TMEM131: variants seen among roughly 807,000 people sequenced by gnomAD.
TMEM131 encodes transmembrane protein 131.
In TMEM131, 66 loss-of-function variants were observed where a neutral mutation model predicts 211.6. The ratio of observed to expected loss-of-function variants is 0.31; its 90% CI spans 0.26 to 0.38. The LOEUF is 0.38. Ranked by LOEUF, TMEM131 falls within the 10% of genes least tolerant of loss-of-function variation. TMEM131 has a pLI of 1.00. For synonymous variants in TMEM131, 844 were observed against 841.3 expected (o/e 1.00, Z -0.06); for missense variants, 2,036 against 2,299.3 (o/e 0.89, Z 2.34).
chr2:97,932,544 C>T (rs62156488), intron 1 of TMEM131, among the ~76,000 whole-genome samples: 10,888 of 152,184 alleles, frequency 0.072, 462 homozygotes, highest in Middle Eastern at 0.12. Flanking sequence ...ATATACCATA[C>T]ATCTAAAAAG....
chr2:97,764,146 CAG>C (rs771948686), intron 35 of TMEM131: 2 of 152,268 alleles, frequency 1.3e-5, no homozygotes, highest in Admixed American at 1.3e-4. Flanking sequence ...GATCTTTACA[CAG>C]AGGCTGCACA....
chr2:97,791,279 C>T (rs574925138), intron 31 of TMEM131, among the ~76,000 whole-genome samples: 12 of 152,198 alleles, frequency 7.9e-5, no homozygotes, highest in Non-Finnish European at 1.5e-4. Flanking sequence ...TATGCCCTTG[C>T]GCGGTTCTCT....
At chr2:97,870,537 T>C (rs1318244446) in intron 4 of TMEM131, among the ~76,000 whole-genome samples, 3 of 152,052 alleles carry the variant, frequency 2.0e-5, no homozygotes, top group African/African-American at 7.2e-5. Context: ...CTACGAACTG[T>C]CCATATTTTC....
Position 97,757,283 on chromosome 2 carries a change from G to C in TMEM131, c.5468C>G (p.Ala1823Gly), listed in dbSNP as rs765975456. Residue 1823 changes from alanine to glycine, a missense_variant, in exon 41 of 41, where the codon GCA becomes GGA. Ala to Gly is a moderately conservative substitution (Grantham distance 60). Transcript: ENST00000186436. ...LSSALPFTTP[A>G]NTLASIGLMG... ...GAGGCCGATGCTTGCCAGCGTGTTT[G>C]CTGGAGTGGTGAAGGGAAGGGCGCT... 1 of 1,613,976 alleles carries C rather than the reference G, an allele frequency of 6.2e-7. No individual in the cohort carries two copies. Among genetic ancestry groups the C allele is most frequent in the Non-Finnish European group, 8.5e-7 (1 of 1,179,894 alleles).
chr2:97,843,147 T>C (rs1271914069), intron 6 of TMEM131, among the ~76,000 whole-genome samples: 1 of 151,182 alleles, frequency 6.6e-6, no homozygotes, highest in Non-Finnish European at 1.5e-5. Flanking sequence ...CACAGCACAG[T>C]GGTAAAGATT....
intron 3 of TMEM131, among the ~76,000 whole-genome samples, chr2:97,898,947 T>C (rs774736316): frequency 6.6e-6 from 1 of 152,154 alleles, no homozygotes; most frequent in South Asian, 2.1e-4. Flanking sequence ...TAAATACCTA[T>C]TAGGTCAAGT....
intron 4 of TMEM131, among the ~76,000 whole-genome samples, chr2:97,871,556 C>T (rs924245341): frequency 6.6e-6 from 1 of 152,194 alleles, no homozygotes; most frequent in Non-Finnish European, 1.5e-5. Flanking sequence ...TTGAGAGATC[C>T]TTTCAGATGT....
At chr2:97,876,855 A>G (rs1167234871) in intron 4 of TMEM131, among the ~76,000 whole-genome samples, 1 of 152,232 alleles carries the variant, frequency 6.6e-6, no homozygotes, top group Non-Finnish European at 1.5e-5. Context: ...TGGCCAGGGC[A>G]ATCAGGCAAG....
intron 2 of TMEM131, among the ~76,000 whole-genome samples, chr2:97,918,975 T>C (rs552553694): frequency 2.4e-4 from 37 of 152,344 alleles, no homozygotes; most frequent in Non-Finnish European, 4.7e-4. Context: ...GGGAAAGTGA[T>C]GCTGGCTGTC....
chr2:97,991,009 T>C (rs1375256226), intron 1 of TMEM131, among the ~76,000 whole-genome samples: 1 of 152,196 alleles, frequency 6.6e-6, no homozygotes, highest in Non-Finnish European at 1.5e-5. Flanking sequence ...TGAAACACTC[T>C]TGAAAATTTA....
At chr2:97,948,068 A>C (rs1678126086) in intron 1 of TMEM131, among the ~76,000 whole-genome samples, 1 of 152,240 alleles carries the variant, frequency 6.6e-6, no homozygotes, top group South Asian at 2.1e-4. Context: ...TAAGAGCTAA[A>C]ATTCTAAAGT....
intron 1 of TMEM131, among the ~76,000 whole-genome samples, chr2:97,973,930 A>G (rs1235960541): frequency 6.6e-6 from 1 of 152,244 alleles, no homozygotes; most frequent in African/African-American, 2.4e-5. Flanking sequence ...TATTTATGGG[A>G]ATACAAAAAT....
At chr2:97,926,468 C>A (rs1210989070) in intron 2 of TMEM131, among the ~76,000 whole-genome samples, 3 of 152,138 alleles carry the variant, frequency 2.0e-5, no homozygotes. Flanking sequence ...TACATCTATT[C>A]AAAAGGGTCT....
rs1355323314 is a variant in TMEM131 at position 97,793,074 on chromosome 2, A to G, written c.3546-90T>C. ...CTTCAACTTCATCAGTACAGCCACCATAAATATAAACTACACTAGGGAAAA... is the reference window on the plus strand; with the variant it reads ...CTTCAACTTCATCAGTACAGCCACCGTAAATATAAACTACACTAGGGAAAA... On this transcript the variant is annotated intron_variant, in intron 30 of 40. Coordinates refer to ENST00000186436, the MANE Select transcript of TMEM131 (RefSeq NM_015348.2). The G allele has an allele frequency of 4.9e-5, 47 of 964,968 alleles. No individual in the cohort carries two copies. In the East Asian group the frequency reaches 1.3e-3, roughly 26 times the overall value. The allele number at this position is 964,968 out of a possible 1,614,324, so 59.8% of individuals were successfully genotyped here. A position where few individuals can be genotyped will look rare whatever the true frequency, so the allele number is the denominator to read the frequency against.
intron 7 of TMEM131, 59 bp downstream of exon 7, chr2:97,841,756 T>C (rs950659765): frequency 6.7e-6 from 10 of 1,484,356 alleles, no homozygotes; most frequent in Non-Finnish European, 9.0e-6. Context: ...TGAGATTTCA[T>C]GCTAAGCATT....
intron 4 of TMEM131, among the ~76,000 whole-genome samples, chr2:97,873,171 A>G (rs1203317466): frequency 1.3e-5 from 2 of 152,264 alleles, no homozygotes; most frequent in African/African-American, 4.8e-5. Context: ...ACTGCAGCTC[A>G]GCACGGCCGC....
At chr2:97,951,723 G>T (rs1454230415) in intron 1 of TMEM131, among the ~76,000 whole-genome samples, 1 of 151,942 alleles carries the variant, frequency 6.6e-6, no homozygotes, top group East Asian at 1.9e-4. Flanking sequence ...ACACCACACC[G>T]CCCCAACACA....
intron 1 of TMEM131, 92 bp from the exon 2 acceptor site, chr2:97,927,579 A>G (rs1677044972): frequency 9.4e-6 from 10 of 1,062,158 alleles, no homozygotes; most frequent in Non-Finnish European, 1.2e-5. Flanking sequence ...ATATAATTTT[A>G]TATCTAAAAA....
At chr2:97,870,992 GA>G (rs1674468061) in intron 4 of TMEM131, among the ~76,000 whole-genome samples, 1 of 152,144 alleles carries the variant, frequency 6.6e-6, no homozygotes, top group African/African-American at 2.4e-5. Flanking sequence ...AGTCATCAGA[GA>G]AAAATGCCTT....
Sources: gnomAD v4.1 joint callset for allele counts (sites outside exome capture counted in the v4.1 genomes callset) on GRCh38, gnomAD v4.1.1 for gene constraint, MANE v1.5 for transcripts, NCBI Gene and HGNC (gene_info 2026-07-23, HGNC 2026-07-21) for gene names.